The following PCDHGA1 variants were observed in gnomAD, a reference collection of about 807,000 sequenced individuals.
PCDHGA1 encodes protocadherin gamma-A1.
PCDHGA1 carries 32 observed loss-of-function variants against 58.0 expected under a neutral mutation model. The observed-to-expected ratio is 0.55, with a 90% CI of 0.42 to 0.74. The LOEUF (loss-of-function observed/expected upper bound fraction) is 0.74. Ranked by LOEUF, PCDHGA1 falls within the 30% of genes least tolerant of loss-of-function variation. The probability of loss-of-function intolerance (pLI) is 0.00; values close to 1 mark genes in which losing one functional copy is unlikely to be tolerated. For missense variants in PCDHGA1, 1,205 were observed against 1,182.3 expected (o/e 1.02, Z -0.28); for synonymous variants, 498 against 501.1 (o/e 0.99, Z 0.08).
chr5:141,429,416 T>C (rs527999196), intron 1 of PCDHGA1, among the ~76,000 whole-genome samples: 1 of 152,230 alleles, frequency 6.6e-6, no homozygotes, highest in Admixed American at 6.5e-5. Flanking sequence ...GGTCTCATTA[T>C]GTTGCCCAGG....
intron 1 of PCDHGA1, chr5:141,372,953 CTTTG>C: frequency 6.7e-6 from 5 of 745,132 alleles, no homozygotes; most frequent in South Asian, 2.1e-5. Context: ...CTAGGAAATT[CTTTG>C]TAGAATTTCC....
chr5:141,363,908 A>C (rs1266423621), intron 1 of PCDHGA1, among the ~76,000 whole-genome samples: 6 of 152,234 alleles, frequency 3.9e-5, no homozygotes, highest in Non-Finnish European at 8.8e-5. Context: ...GCATTAAATA[A>C]AATTTTTGTA....
chr5:141,372,851 T>C lies in PCDHGA1; in HGVS notation c.2421+39746T>C, dbSNP rs756598936. 24 of 1,459,588 alleles carry C rather than the reference T, an allele frequency of 1.6e-5. No individual in the cohort carries two copies. The South Asian group carries it at 3.2e-4, about 19-fold the overall frequency. The allele number at this position is 1,459,588 out of a possible 1,614,324, so 90.4% of individuals were successfully genotyped here. A position where few individuals can be genotyped will look rare whatever the true frequency, so the allele number is the denominator to read the frequency against. ...CTTTCCTTCCATAAATATAATTGGG[T>C]TTCAATTCATTGATTTAGAGATAAA... On this transcript the variant is annotated intron_variant, in intron 1 of 3. Coordinates refer to ENST00000517417, the MANE Select transcript of PCDHGA1 (RefSeq NM_018912.3).
At chr5:141,382,344 A>T (rs1323658613) in intron 1 of PCDHGA1, among the ~76,000 whole-genome samples, 1 of 152,224 alleles carries the variant, frequency 6.6e-6, no homozygotes, top group Non-Finnish European at 1.5e-5. Context: ...AAAATCTTTC[A>T]TATGTATTTA....
At chr5:141,474,159 G>A (rs2154571930) in intron 1 of PCDHGA1, among the ~76,000 whole-genome samples, 1 of 152,226 alleles carries the variant, frequency 6.6e-6, no homozygotes, top group South Asian at 2.1e-4. Context: ...GAAAATGACA[G>A]GCCTTATTAT....
At chr5:141,379,014 T>G (rs1440666109) in intron 1 of PCDHGA1, 1 of 152,222 alleles carries the variant, frequency 6.6e-6, no homozygotes, top group East Asian at 1.9e-4. Flanking sequence ...TCTCCAGTCA[T>G]GAGTTGGAAG....
At chr5:141,419,939 G>T in intron 1 of PCDHGA1, 1 of 1,614,054 alleles carries the variant, frequency 6.2e-7, no homozygotes. Flanking sequence ...TTACCTGGTG[G>T]TGGCCTTGGC....
intron 1 of PCDHGA1, chr5:141,423,320 T>C: frequency 6.2e-7 from 1 of 1,614,148 alleles, no homozygotes; most frequent in Non-Finnish European, 8.5e-7. Flanking sequence ...GTGGTGGCGG[T>C]GGCCGCAGTC....
intron 1 of PCDHGA1, chr5:141,375,537 C>T: frequency 6.2e-7 from 1 of 1,614,048 alleles, no homozygotes; most frequent in Non-Finnish European, 8.5e-7. Context: ...GACCAGAACG[C>T]CCAAGTCTCC....
chr5:141,396,492 C>G (rs970666488), intron 1 of PCDHGA1: 1 of 151,944 alleles, frequency 6.6e-6, no homozygotes, highest in Non-Finnish European at 1.5e-5. Context: ...TGGTGGCATG[C>G]GCCTGTGGTC....
intron 1 of PCDHGA1, chr5:141,364,359 G>A: frequency 6.4e-7 from 1 of 1,558,664 alleles, no homozygotes; most frequent in Non-Finnish European, 8.7e-7. Flanking sequence ...GGCTGGGGCT[G>A]CGGAGAGCTG....
At chr5:141,352,529 GCAAAGA>G (rs1300425805) in intron 1 of PCDHGA1, 1 of 1,613,988 alleles carries the variant, frequency 6.2e-7, no homozygotes, top group Non-Finnish European at 8.5e-7. Context: ...CTCTCATTCT[GCAAAGA>G]CAGAGTTTAA....
intron 1 of PCDHGA1, chr5:141,356,981 T>C: frequency 6.2e-7 from 1 of 1,614,246 alleles, no homozygotes; most frequent in South Asian, 1.1e-5. Flanking sequence ...GTGGTGGCAG[T>C]GGACAGAGAC....
chr5:141,393,399 C>G, intron 1 of PCDHGA1: 1 of 1,614,028 alleles, frequency 6.2e-7, no homozygotes, highest in Non-Finnish European at 8.5e-7. Flanking sequence ...AGAGCTGGTG[C>G]TGGAGCGCGC....
At chr5:141,399,656 T>G in intron 1 of PCDHGA1, 1 of 1,613,694 alleles carries the variant, frequency 6.2e-7, no homozygotes, top group Non-Finnish European at 8.5e-7. Context: ...AGTGGGGTGG[T>G]GTTCGCGCAG....
chr5:141,443,288 C>T (rs2098378643), intron 1 of PCDHGA1, among the ~76,000 whole-genome samples: 1 of 150,180 alleles, frequency 6.7e-6, no homozygotes, highest in Non-Finnish European at 1.5e-5. Context: ...TGAGACCAGC[C>T]TGGACAGCAT....
intron 1 of PCDHGA1, chr5:141,385,468 A>G: frequency 1.4e-6 from 2 of 1,440,194 alleles, no homozygotes; most frequent in Non-Finnish European, 1.8e-6. Context: ...TTCAGTGGTG[A>G]CACTTTAATA....
chr5:141,474,022 A>G (rs929139769), intron 1 of PCDHGA1, among the ~76,000 whole-genome samples: 1 of 152,160 alleles, frequency 6.6e-6, no homozygotes, highest in African/African-American at 2.4e-5. Flanking sequence ...GTGAGCTATG[A>G]TTATTCCACT....
intron 1 of PCDHGA1, among the ~76,000 whole-genome samples, chr5:141,475,778 T>C (rs1204790631): frequency 2.0e-5 from 3 of 152,282 alleles, no homozygotes; most frequent in Non-Finnish European, 4.4e-5. Flanking sequence ...GCGCTTTGGC[T>C]GGAAACTCTG....
Sources: allele counts gnomAD v4.1 joint callset (sites outside exome capture counted in the v4.1 genomes callset), GRCh38; gene constraint gnomAD v4.1.1; transcripts MANE v1.5; gene names NCBI Gene and HGNC (gene_info 2026-07-23, HGNC 2026-07-21).